The following NOS3 variants were observed in gnomAD, a reference collection of about 807,000 sequenced individuals.
The protein encoded by NOS3 is NOS type III.
NOS3 carries 98 observed loss-of-function variants against 144.9 expected under a neutral mutation model. The observed-to-expected ratio is 0.68, with a 90% confidence interval of 0.57 to 0.80. The LOEUF (loss-of-function observed/expected upper bound fraction) is 0.80, where lower values mean the gene tolerates loss of function less well. NOS3 is among the 30% of genes least tolerant of loss of function. The pLI, the probability that NOS3 is intolerant of heterozygous loss-of-function variation, is 0.00. For synonymous variants in NOS3, 714 were observed against 702.4 expected, an observed-to-expected ratio of 1.02 and a Z score of -0.26; for missense variants, 1,465 against 1,656.4, an observed-to-expected ratio of 0.88 and a Z score of 2.01.
Position 150,998,855 on chromosome 7 carries a change from T to C in NOS3, c.817-91T>C. 1 of 1,520,744 alleles carries C rather than the reference T, an allele frequency of 6.6e-7. No homozygotes were observed. Among genetic ancestry groups the C allele is most frequent in the African/African-American group, 1.4e-5 (1 of 71,974 alleles). 94.2% of individuals were successfully genotyped at this position (1,520,744 alleles called of 1,614,324 possible). A position where few individuals can be genotyped will look rare whatever the true frequency, so the allele number is the denominator to read the frequency against. The stretch of plus-strand genomic sequence containing the variant: ...CGGAGACCCAGCCAATGAGGGACCC[T>C]GGAGATGAAGGCAGGAGACAGTGGA... On this transcript the variant is annotated intron_variant, in intron 7 of 26. Transcript: ENST00000297494. This position sits in a 1 kb window ranked among gnomAD's most constrained non-coding sequence, Gnocchi z 5.0.
At chr7:151,013,606 A>T (rs1328669880) in intron 25 of NOS3, 118 bp from the exon 26 acceptor site, 1 of 872,230 alleles carries the variant, frequency 1.1e-6, no homozygotes, top group Non-Finnish European at 1.6e-6. Context: ...GCCCCAGGGC[A>T]CGCAGGCCCC....
chr7:150,995,357 G>C (rs112325989), intron 3 of NOS3, 43 bp downstream of exon 3: 1 of 1,393,436 alleles, frequency 7.2e-7, no homozygotes, highest in Non-Finnish European at 1.0e-6. Flanking sequence ...CAGGGAAAGG[G>C]TGGGTAAGGC....
At position 151,003,575 on chromosome 7, in the gene NOS3, C is replaced by T; in HGVS notation, c.1752+1271C>T. The T allele has an allele frequency of 7.7e-6, 10 of 1,293,816 alleles. No individual in the cohort carries two copies. The highest frequency in any genetic ancestry group is 1.0e-5 in the Non-Finnish European group (10 of 978,866). 80.1% of individuals were successfully genotyped at this position (1,293,816 alleles called of 1,614,324 possible). The stretch of plus-strand genomic sequence containing the variant: ...TAAAGGTGTATAGACACCCATATAA[C>T]CTACAGCCTTCACAAGGCATAGCAC... On this transcript the variant is annotated intron_variant, in intron 14 of 26. Transcript: ENST00000297494. The surrounding 1 kb of genome is among the most constrained non-coding windows in gnomAD (Gnocchi z 4.1).
intron 14 of NOS3, among the ~76,000 whole-genome samples, chr7:151,005,899 G>A (rs767587561): frequency 2.7e-4 from 41 of 152,280 alleles, no homozygotes; most frequent in Non-Finnish European, 5.7e-4. Context: ...GTGGTGGCAC[G>A]CACCTATAGA....
chr7:151,004,805 G>T (rs1246442913), intron 14 of NOS3, among the ~76,000 whole-genome samples: 3 of 152,188 alleles, frequency 2.0e-5, no homozygotes, highest in African/African-American at 7.2e-5. Context: ...GTGACAGGAA[G>T]AAGGCACGAA....
intron 20 of NOS3, 59 bp downstream of exon 20, chr7:151,009,644 G>A (rs963523979): frequency 4.8e-5 from 68 of 1,403,150 alleles, no homozygotes; most frequent in Non-Finnish European, 6.3e-5. Flanking sequence ...CCCCACCCCC[G>A]GCCCCAGGCC....
intron 12 of NOS3, 100 bp from the exon 13 acceptor site, chr7:151,001,721 C>A: frequency 6.3e-7 from 1 of 1,577,546 alleles, no homozygotes; most frequent in Non-Finnish European, 8.7e-7. Flanking sequence ...GGGCCTACCA[C>A]TCAGTATCCC....
At chr7:151,004,233 A>T (rs1450196191) in intron 14 of NOS3, among the ~76,000 whole-genome samples, 1 of 152,166 alleles carries the variant, frequency 6.6e-6, no homozygotes, top group African/African-American at 2.4e-5. Context: ...GCTACTCAGG[A>T]GGCTAGGCGG....
Position 150,995,251 on chromosome 7 carries a change from TC to T in NOS3, c.208del (p.Arg70ValfsTer2). ...AGCCCCCAGAGGGGCCCAAGTTCCC[TC>T]GTGTGAAGAACTGGGAGGTGGGGAG... ...TQPPEGPKFP[R>X]VKNWEVGSIT... On this transcript the variant is annotated frameshift_variant, in exon 3 of 27. Transcript: ENST00000297494. LOFTEE classifies it high-confidence loss of function. The T allele has an allele frequency of 6.2e-7, 1 of 1,611,392 alleles. No individual in the cohort carries two copies. Among genetic ancestry groups the T allele is most frequent in the Middle Eastern group, 1.7e-4 (1 of 6,050 alleles).
chr7:151,010,853 C>T, intron 22 of NOS3, 46 bp downstream of exon 22: 1 of 1,607,180 alleles, frequency 6.2e-7, no homozygotes, highest in Non-Finnish European at 8.5e-7. Context: ...AGGGTTGGGA[C>T]CGGCCCCTCT....
At position 150,999,287 on chromosome 7, in the gene NOS3, C is replaced by A; in HGVS notation, c.1054C>A (p.Pro352Thr). The change falls in exon 9 of 27, where the codon CCC becomes ACC. Residue 352 changes from proline to threonine, a missense_variant. Coordinates refer to ENST00000297494, the MANE Select transcript of NOS3 (RefSeq NM_000603.5). ...EIGGLEFPAA[P>T]FSGWYMSTEI... ...TGGGGGCCTGGAGTTCCCCGCAGCC[C>A]CCTTCAGTGGCTGGTACATGAGCAC... 2 of 1,612,002 alleles carry A rather than the reference C, an allele frequency of 1.2e-6. No individual in the cohort carries two copies. Among genetic ancestry groups the A allele is most frequent in the South Asian group, 2.2e-5 (2 of 91,044 alleles).
chr7:150,998,870 G>A lies in NOS3; in HGVS notation c.817-76G>A. The A allele has an allele frequency of 1.3e-6, 2 of 1,542,268 alleles. No individual in the cohort carries two copies. Among genetic ancestry groups the A allele is most frequent in the Non-Finnish European group, 1.8e-6 (2 of 1,140,944 alleles). The stretch of plus-strand genomic sequence containing the variant: ...TGAGGGACCCTGGAGATGAAGGCAG[G>A]AGACAGTGGATGGAGGGGTCCCTGA... On this transcript the variant is annotated intron_variant, in intron 7 of 26. Coordinates refer to ENST00000297494, the MANE Select transcript of NOS3 (RefSeq NM_000603.5). The surrounding 1 kb of genome is among the most constrained non-coding windows in gnomAD (Gnocchi z 5.0).
chr7:151,011,625 A>T (rs911251320), intron 23 of NOS3, among the ~76,000 whole-genome samples: 3 of 151,300 alleles, frequency 2.0e-5, no homozygotes, highest in African/African-American at 7.3e-5. Context: ...AAAAAAAAAA[A>T]AAATATTCTC....
rs1382755117 is a variant in NOS3, at chr7:151,006,439, G to T, written c.1765G>T (p.Ala589Ser). Residue 589 changes from alanine to serine, a missense_variant, in exon 15 of 27, where the codon GCC becomes TCC. Physicochemically the swap from Ala to Ser is moderately conservative, Grantham distance 99. Transcript: ENST00000297494. ...CTCCCCTCGCCAGAGCTTTGCAGCT[G>T]CCCTGATGGAGATGTCCGGCCCCTA... Reference protein sequence around the residue: ...PPENGESFAAALMEMSGPYNS... With the variant: ...PPENGESFAASLMEMSGPYNS... 1.9e-6 allele frequency: 3 copies of T among 1,613,916 alleles called. No homozygotes were observed. The highest frequency in any genetic ancestry group is 2.5e-6 in the Non-Finnish European group (3 of 1,179,946).
intron 14 of NOS3, among the ~76,000 whole-genome samples, chr7:151,004,952 G>A (rs572268702): frequency 2.5e-4 from 38 of 152,114 alleles, no homozygotes; most frequent in Admixed American, 5.9e-4. Flanking sequence ...CCGCCTCCCC[G>A]GTTCAAGCGA....
At chr7:151,011,611 C>CA (rs371264947) in intron 23 of NOS3, among the ~76,000 whole-genome samples, 57 of 126,830 alleles carry the variant, frequency 4.5e-4, no homozygotes, top group African/African-American at 9.5e-4. Context: ...GACTCTGTCT[C>CA]AAAAAAAAAA....
rs763102899 is a variant in NOS3, at chr7:150,998,982, C to T, written c.853C>T (p.Arg285Cys). 3.7e-6 allele frequency: 6 copies of T among 1,612,452 alleles called. No homozygotes were observed. The highest frequency in any genetic ancestry group is 1.7e-5 in the Admixed American group (1 of 59,966). The change falls in exon 8 of 27, where the codon CGC becomes TGC. Residue 285 changes from arginine to cysteine, a missense_variant. Arg to Cys is a radical substitution (Grantham distance 180). Transcript: ENST00000297494. The surrounding 1 kb of genome is among the most constrained non-coding windows in gnomAD (Gnocchi z 5.0). Reference sequence around the variant, plus strand: ...GCACGGCTGGACCCCAGGAAACGGTCGCTTCGACGTGCTGCCCCTGCTGCT... The same window carrying T: ...GCACGGCTGGACCCCAGGAAACGGTTGCTTCGACGTGCTGCCCCTGCTGCT... Reference protein sequence around the residue: ...IQHGWTPGNGRFDVLPLLLQA... With the variant: ...IQHGWTPGNGCFDVLPLLLQA...
At chr7:150,997,615 G>A (rs983937846) in intron 5 of NOS3, among the ~76,000 whole-genome samples, 2 of 152,188 alleles carry the variant, frequency 1.3e-5, no homozygotes, top group Non-Finnish European at 2.9e-5. Context: ...ATCACTGGCC[G>A]CCAAAGAGTT....
rs1795136962 is a variant in NOS3 at position 151,002,733 on chromosome 7, T to C, written c.1752+429T>C. ...GTAATGTTTCTTAATGGGATACTGGTTACACAGGTGTGTTCAGTTTGTAAA... is the reference window on the plus strand; with the variant it reads ...GTAATGTTTCTTAATGGGATACTGGCTACACAGGTGTGTTCAGTTTGTAAA... On this transcript the variant is annotated intron_variant, in intron 14 of 26. Coordinates refer to ENST00000297494, the MANE Select transcript of NOS3 (RefSeq NM_000603.5). The surrounding 1 kb of genome is among the most constrained non-coding windows in gnomAD (Gnocchi z 4.1). 1 of 213,904 alleles carries C rather than the reference T, an allele frequency of 4.7e-6. No homozygotes were observed. The highest frequency in any genetic ancestry group is 9.5e-6 in the Non-Finnish European group (1 of 105,080). The allele number at this position is 213,904 out of a possible 1,614,324, so 13.3% of individuals were successfully genotyped here.
Sources: gnomAD v4.1 joint callset for allele counts (sites outside exome capture counted in the v4.1 genomes callset) on GRCh38, gnomAD v4.1.1 for gene constraint, Gnocchi (gnomAD v3.1) non-coding constraint, MANE v1.5 for transcripts, NCBI Gene and HGNC (gene_info 2026-07-23, HGNC 2026-07-21) for gene names.